Variants in BANK1 observed in about 807,000 individuals in gnomAD.
BANK1 encodes the protein B cell scaffold protein with ankyrin repeats 1.
BANK1 carries 95 observed loss-of-function variants against 94.5 expected under a neutral mutation model. The ratio of observed to expected loss-of-function variants is 1.00; its 90% CI spans 0.85 to 1.19. BANK1 has a LOEUF of 1.19. Among genes scored for constraint, BANK1 ranks in the 50% most tolerant of loss-of-function variants. The probability of loss-of-function intolerance (pLI) is 0.00; values close to 1 mark genes in which losing one functional copy is unlikely to be tolerated. For missense variants in BANK1, 987 were observed against 932.2 expected, an observed-to-expected ratio of 1.06 and a Z score of -0.77; for synonymous variants, 334 against 308.4, an observed-to-expected ratio of 1.08 and a Z score of -0.87.
At chr4:101,880,047 T>C (rs960360784) in intron 5 of BANK1, among the ~76,000 whole-genome samples, 24 of 152,056 alleles carry the variant, frequency 1.6e-4, no homozygotes, top group African/African-American at 5.3e-4. Flanking sequence ...AGATGCCCAC[T>C]TTCACCATTG....
intron 1 of BANK1, among the ~76,000 whole-genome samples, chr4:101,807,754 G>A (rs1725606785): frequency 6.6e-6 from 1 of 152,064 alleles, no homozygotes; most frequent in African/African-American, 2.4e-5. Context: ...ATTTGCTTCA[G>A]GCCATATAGT....
chr4:101,916,858 G>T (rs551654200), intron 6 of BANK1, among the ~76,000 whole-genome samples: 58 of 151,972 alleles, frequency 3.8e-4, no homozygotes, highest in Middle Eastern at 3.4e-3. Flanking sequence ...TTACACCTTG[G>T]TAATAAAAAC....
At position 101,949,102 on chromosome 4, in the gene BANK1, A is replaced by G. The variant is rs570758154; in HGVS notation, c.1206+30913A>G. ...TATTTCTGTGGCCAGCTGACAGGTC[A>G]GCTGGGATCTGGCTTGTTTAGGATG... On this transcript the variant is annotated intron_variant, in intron 7 of 16. Transcript: ENST00000322953. Among the ~76,000 whole-genome samples, 137 of 152,112 alleles carry G rather than the reference A, an allele frequency of 9.0e-4. 1 individual carries two copies. Among genetic ancestry groups the G allele is most frequent in the African/African-American group, 3.1e-3 (130 of 41,514 alleles).
rs530721708 is a variant in BANK1, at chr4:101,823,281, A to G, written c.71-6527A>G. On this transcript the variant is annotated intron_variant, in intron 1 of 16. Transcript: ENST00000322953. ...TATATTTTCAAAAAATTTTCTTTTA[A>G]TTCCCATTCCAATGTATATAAATCA... 2.0e-5 allele frequency among the ~76,000 whole-genome samples: 3 copies of G among 152,338 alleles called. No homozygotes were observed. The South Asian group carries it at 6.2e-4, about 32-fold the overall frequency.
intron 1 of BANK1, among the ~76,000 whole-genome samples, chr4:101,819,294 A>G (rs113297788): frequency 1.3e-5 from 2 of 152,146 alleles, no homozygotes; most frequent in Admixed American, 6.5e-5. Flanking sequence ...GCTTGGAGGA[A>G]GATTTATGGT....
At chr4:101,982,025 G>A (rs1383565732) in intron 7 of BANK1, 1 of 152,148 alleles carries the variant, frequency 6.6e-6, no homozygotes, top group Non-Finnish European at 1.5e-5. Flanking sequence ...TTACCAGCAA[G>A]GCTTTAACCC....
At chr4:101,901,763 G>C (rs62688361) in intron 6 of BANK1, among the ~76,000 whole-genome samples, 3 of 7,454 alleles carry the variant, frequency 4.0e-4, no homozygotes, top group Admixed American at 2.0e-3. Context: ...TTGTTTTTTT[G>C]TTTTTGTTTT....
chr4:101,861,164 C>A (rs979763512), intron 3 of BANK1, among the ~76,000 whole-genome samples: 1 of 152,036 alleles, frequency 6.6e-6, no homozygotes, highest in East Asian at 1.9e-4. Context: ...GTTGTAAATT[C>A]TGAGGAGAAA....
At chr4:101,951,478 A>G (rs921568634) in intron 7 of BANK1, among the ~76,000 whole-genome samples, 2 of 152,160 alleles carry the variant, frequency 1.3e-5, no homozygotes, top group Admixed American at 1.3e-4. Flanking sequence ...TGCTTTAACA[A>G]TTAACACTGA....
chr4:102,018,560 C>A (rs530045411), intron 7 of BANK1, among the ~76,000 whole-genome samples: 1 of 152,208 alleles, frequency 6.6e-6, no homozygotes, highest in Non-Finnish European at 1.5e-5. Flanking sequence ...ACAAGATATT[C>A]TCTTTTTAAT....
At chr4:101,948,963 T>C (rs1404433544) in intron 7 of BANK1, among the ~76,000 whole-genome samples, 9 of 152,142 alleles carry the variant, frequency 5.9e-5, no homozygotes, top group Non-Finnish European at 1.2e-4. Flanking sequence ...AATTTCTACC[T>C]TAAAATATTG....
intron 7 of BANK1, among the ~76,000 whole-genome samples, chr4:101,954,123 T>C (rs1724261311): frequency 6.6e-6 from 1 of 152,144 alleles, no homozygotes; most frequent in South Asian, 2.1e-4. Flanking sequence ...GTCTTCACAA[T>C]ATGTTTTCCC....
At chr4:102,042,040 A>G (rs1254448613) in intron 10 of BANK1, among the ~76,000 whole-genome samples, 2 of 152,188 alleles carry the variant, frequency 1.3e-5, no homozygotes, top group East Asian at 3.9e-4. Flanking sequence ...TATTATCTGA[A>G]TAGATCTTTG....
Position 102,025,401 on chromosome 4 carries a change from C to T in BANK1, c.1486C>T (p.Pro496Ser). Reference sequence around the variant, plus strand: ...GTATGTGTTCATTCCTGGTGCTGATCCAGAAAATAATTCACAAGAGCCACT... The same window carrying T: ...GTATGTGTTCATTCCTGGTGCTGATTCAGAAAATAATTCACAAGAGCCACT... ...DLYVFIPGAD[P>S]ENNSQEPLMS... Residue 496 changes from proline (P) to serine (S), a missense_variant, in exon 9 of 17, where the codon CCA becomes TCA. Physicochemically the swap from Pro to Ser is moderately conservative, Grantham distance 74 (BLOSUM62 -1). Coordinates refer to ENST00000322953, the MANE Select transcript of BANK1 (RefSeq NM_017935.5). 6.2e-7 allele frequency: 1 copy of T among 1,613,986 alleles called. No individual in the cohort carries two copies. The highest frequency in any genetic ancestry group is 8.5e-7 in the Non-Finnish European group (1 of 1,180,012).
chr4:101,938,810 T>G (rs1723654573), intron 7 of BANK1, among the ~76,000 whole-genome samples: 1 of 151,638 alleles, frequency 6.6e-6, no homozygotes, highest in Admixed American at 6.6e-5. Context: ...ATCCCCATAT[T>G]TTATAAAAAT....
intron 2 of BANK1, among the ~76,000 whole-genome samples, chr4:101,840,815 C>T (rs1327377146): frequency 1.3e-5 from 2 of 152,068 alleles, no homozygotes; most frequent in African/African-American, 4.8e-5. Flanking sequence ...CCTCTAGCAC[C>T]TCTAGGTTAG....
chr4:101,852,477 T>TATATATAC (rs1727518915), intron 2 of BANK1, among the ~76,000 whole-genome samples: 1 of 102,674 alleles, frequency 9.7e-6, no homozygotes, highest in Non-Finnish European at 2.0e-5. Flanking sequence ...CGGCTATATA[T>TATATATAC]ATATATATAT....
chr4:101,946,786 C>G (rs1197641336), intron 7 of BANK1, among the ~76,000 whole-genome samples: 1 of 151,908 alleles, frequency 6.6e-6, no homozygotes, highest in African/African-American at 2.4e-5. Flanking sequence ...AAAGATCTGC[C>G]TTAAACCTAT....
chr4:101,879,525 G>A (rs1395281731), intron 5 of BANK1, among the ~76,000 whole-genome samples: 1 of 151,974 alleles, frequency 6.6e-6, no homozygotes, highest in African/African-American at 2.4e-5. Flanking sequence ...ACTTAAAGAA[G>A]GTTGAATACT....
Sources: gnomAD v4.1 joint callset for allele counts (sites outside exome capture counted in the v4.1 genomes callset) on GRCh38, gnomAD v4.1.1 for gene constraint, MANE v1.5 for transcripts, NCBI Gene and HGNC (gene_info 2026-07-23, HGNC 2026-07-21) for gene names.